Variants in SEZ6L observed in about 807,000 individuals in gnomAD.
SEZ6L encodes the protein seizure related 6 homolog like.
In SEZ6L, 37 loss-of-function variants were observed where a neutral mutation model predicts 106.2. The ratio of observed to expected loss-of-function variants is 0.35; its 90% CI spans 0.27 to 0.46. The LOEUF (loss-of-function observed/expected upper bound fraction) is 0.46, where lower values mean the gene tolerates loss of function less well. Among genes scored for constraint, SEZ6L ranks in the 20% least tolerant of loss-of-function variants. SEZ6L has a pLI of 1.00. For missense variants in SEZ6L, 1,172 were observed against 1,332.8 expected (o/e 0.88, Z 1.88); for synonymous variants, 541 against 570.4 (o/e 0.95, Z 0.73).
chr22:26,304,848 A>G (rs550955062), intron 5 of SEZ6L, among the ~76,000 whole-genome samples: 1 of 152,238 alleles, frequency 6.6e-6, no homozygotes, highest in Admixed American at 6.5e-5. Context: ...GAATGGGTGG[A>G]GTGTATTTAC....
In SEZ6L at chr22:26,382,683, G is replaced by C. The variant is rs574865587; in HGVS notation, c.*2388G>C. The C allele has an allele frequency of 1.3e-5, 2 of 151,800 alleles. No individual in the cohort carries two copies. Among genetic ancestry groups the C allele is most frequent in the African/African-American group, 4.8e-5 (2 of 41,298 alleles). 9.4% of individuals were successfully genotyped at this position (151,800 alleles called of 1,614,324 possible). On this transcript the variant is annotated 3_prime_UTR_variant, in exon 17 of 17. Coordinates refer to ENST00000248933, the MANE Select transcript of SEZ6L (RefSeq NM_021115.5). The stretch of plus-strand genomic sequence containing the variant: ...TACAGTGTGATTGAAAAGACAGGTT[G>C]GTGTCTATTTTTCTTTTTAAAATAT...
intron 1 of SEZ6L, among the ~76,000 whole-genome samples, chr22:26,283,457 G>T (rs957158254): frequency 6.6e-6 from 1 of 152,154 alleles, no homozygotes; most frequent in African/African-American, 2.4e-5. Context: ...TACAAAGTTG[G>T]TGGTAGAATA....
At chr22:26,373,743 A>T (rs1010926059) in intron 14 of SEZ6L, among the ~76,000 whole-genome samples, 1 of 152,208 alleles carries the variant, frequency 6.6e-6, no homozygotes, top group Non-Finnish European at 1.5e-5. Flanking sequence ...GAAAGCTCAG[A>T]GCCCATAAGC....
intron 16 of SEZ6L, among the ~76,000 whole-genome samples, chr22:26,379,406 C>T (rs1327987267): frequency 6.6e-6 from 1 of 152,366 alleles, no homozygotes; most frequent in East Asian, 1.9e-4. Context: ...AAGGCATGAG[C>T]CCCAGAAGGT....
intron 5 of SEZ6L, among the ~76,000 whole-genome samples, chr22:26,299,398 C>A (rs556640526): frequency 2.2e-4 from 33 of 152,338 alleles, no homozygotes; most frequent in African/African-American, 6.5e-4. Flanking sequence ...GTGCAACCAT[C>A]ACCACTACCT....
intron 8 of SEZ6L, among the ~76,000 whole-genome samples, chr22:26,312,424 T>G (rs1300761443): frequency 6.6e-5 from 10 of 152,134 alleles, no homozygotes; most frequent in Non-Finnish European, 1.3e-4. Context: ...TCGGCCCCAT[T>G]TGTAGGTGAG....
At position 26,365,494 on chromosome 22, in the gene SEZ6L, A is replaced by C. The variant is rs1437067462; in HGVS notation, c.2722A>C (p.Met908Leu). The change falls in exon 13 of 17, where the codon ATG (methionine) becomes CTG (leucine). Residue 908 changes from methionine (M) to leucine (L), a missense_variant. By Grantham distance (15) the Met-to-Leu change is conservative. Transcript: ENST00000248933. Reference sequence around the variant, plus strand: ...CATGTGCTACGAAGGCTTTGAGCTCATGGGTGAAGTGACCATCCGCTGCAT... The same window carrying C: ...CATGTGCTACGAAGGCTTTGAGCTCCTGGGTGAAGTGACCATCCGCTGCAT... ...TFMCYEGFEL[M>L]GEVTIRCILG... The C allele has an allele frequency of 5.0e-6, 8 of 1,614,050 alleles. No individual in the cohort carries two copies. The Admixed American group carries it at 1.3e-4, about 27-fold the overall frequency.
chr22:26,200,450 C>T (rs974484678), intron 1 of SEZ6L, among the ~76,000 whole-genome samples: 9 of 152,132 alleles, frequency 5.9e-5, no homozygotes, highest in African/African-American at 2.2e-4. Flanking sequence ...TTCTTCAGTC[C>T]CACCTCAAGT....
chr22:26,296,831 G>A lies in SEZ6L; in HGVS notation c.970-57G>A, dbSNP rs2081314892. On this transcript the variant is annotated intron_variant, in intron 3 of 16. Coordinates refer to ENST00000248933, the MANE Select transcript of SEZ6L (RefSeq NM_021115.5). Reference sequence around the variant, plus strand: ...CACTGACTTCTTTGCAACCTTAGAAGGCTCTGTCTCAAACACAACTCAGAG... The same window carrying A: ...CACTGACTTCTTTGCAACCTTAGAAAGCTCTGTCTCAAACACAACTCAGAG... 5 of 1,419,202 alleles carry A rather than the reference G, an allele frequency of 3.5e-6. No individual in the cohort carries two copies. The South Asian group carries it at 6.3e-5, about 18-fold the overall frequency. The allele number at this position is 1,419,202 out of a possible 1,614,324, so 87.9% of individuals were successfully genotyped here.
intron 8 of SEZ6L, among the ~76,000 whole-genome samples, chr22:26,313,109 G>A (rs2081890727): frequency 6.6e-6 from 1 of 152,236 alleles, no homozygotes; most frequent in Admixed American, 6.5e-5. Context: ...GGTAAACACA[G>A]AGTAGAATTT....
At chr22:26,281,266 A>G (rs1193293576) in intron 1 of SEZ6L, among the ~76,000 whole-genome samples, 1 of 152,176 alleles carries the variant, frequency 6.6e-6, no homozygotes, top group African/African-American at 2.4e-5. Context: ...CACGTAATGC[A>G]CTGCGTCACT....
chr22:26,295,866 G>T (rs1049146868), intron 3 of SEZ6L, among the ~76,000 whole-genome samples: 1 of 152,150 alleles, frequency 6.6e-6, no homozygotes, highest in Non-Finnish European at 1.5e-5. Context: ...TTGTAGAATC[G>T]CAGCAAAGGA....
chr22:26,355,231 C>CA (rs2083404337), intron 12 of SEZ6L, among the ~76,000 whole-genome samples: 1 of 152,160 alleles, frequency 6.6e-6, no homozygotes, highest in Non-Finnish European at 1.5e-5. Context: ...TAAAAGCAGG[C>CA]AAAGAAGGAC....
intron 1 of SEZ6L, among the ~76,000 whole-genome samples, chr22:26,185,106 C>G (rs1168190808): frequency 6.6e-6 from 1 of 152,134 alleles, no homozygotes; most frequent in East Asian, 1.9e-4. Context: ...CAAAACAAAT[C>G]TGTGATAGTA....
At chr22:26,243,903 C>T (rs1163177251) in intron 1 of SEZ6L, among the ~76,000 whole-genome samples, 4 of 151,956 alleles carry the variant, frequency 2.6e-5, no homozygotes, top group South Asian at 2.1e-4. Flanking sequence ...TGGCTCACAC[C>T]GGTAATCCCA....
chr22:26,200,268 ATGTG>A (rs1339319758), intron 1 of SEZ6L, among the ~76,000 whole-genome samples: 2 of 151,978 alleles, frequency 1.3e-5, no homozygotes, highest in Non-Finnish European at 2.9e-5. Flanking sequence ...GTTTGCATGT[ATGTG>A]TATGTGTGTG....
At chr22:26,261,764 G>C (rs1202075332) in intron 1 of SEZ6L, among the ~76,000 whole-genome samples, 21 of 152,168 alleles carry the variant, frequency 1.4e-4, no homozygotes. Context: ...AAAGAATAGA[G>C]TTGGGAGGGT....
chr22:26,272,893 G>A (rs1041837652), intron 1 of SEZ6L, among the ~76,000 whole-genome samples: 5 of 152,206 alleles, frequency 3.3e-5, no homozygotes, highest in African/African-American at 7.2e-5. Context: ...TTGTGGGTAT[G>A]TGTACTTCCA....
At chr22:26,250,938 G>T (rs2079556954) in intron 1 of SEZ6L, among the ~76,000 whole-genome samples, 1 of 152,032 alleles carries the variant, frequency 6.6e-6, no homozygotes, top group South Asian at 2.1e-4. Context: ...AAATGGGATT[G>T]TTTTTCTTGA....
Sources: gnomAD v4.1 joint callset for allele counts (sites outside exome capture counted in the v4.1 genomes callset) on GRCh38, gnomAD v4.1.1 for gene constraint, MANE v1.5 for transcripts, NCBI Gene and HGNC (gene_info 2026-07-23, HGNC 2026-07-21) for gene names.